The following WDR19 variants were observed in gnomAD, a reference collection of about 807,000 sequenced individuals.
WDR19 encodes the protein WD repeat domain 19.
In WDR19, 121 loss-of-function variants were observed where a neutral mutation model predicts 180.0. That is an observed-to-expected ratio of 0.67 (90% CI 0.58 to 0.78). WDR19 has a LOEUF of 0.78. Among genes scored for constraint, WDR19 ranks in the 30% least tolerant of loss-of-function variants. The pLI is 0.00. For missense variants in WDR19, 1,450 were observed against 1,640.7 expected (o/e 0.88, Z 2.01); for synonymous variants, 497 against 540.7 (o/e 0.92, Z 1.12).
intron 15 of WDR19, among the ~76,000 whole-genome samples, chr4:39,227,812 T>G (rs750342780): frequency 3.3e-5 from 5 of 152,224 alleles, no homozygotes; most frequent in Non-Finnish European, 7.3e-5. Context: ...GTGAGTTAAT[T>G]TGTTTCTTAA....
intron 14 of WDR19, among the ~76,000 whole-genome samples, chr4:39,222,766 C>T (rs1577918482): frequency 1.3e-5 from 2 of 152,084 alleles, no homozygotes; most frequent in South Asian, 4.1e-4. Flanking sequence ...TAAGAAACAA[C>T]GCAGAGAGAA....
intron 1 of WDR19, among the ~76,000 whole-genome samples, chr4:39,184,024 G>A (rs1460201628): frequency 6.6e-6 from 1 of 152,188 alleles, no homozygotes; most frequent in East Asian, 1.9e-4. Flanking sequence ...TTCTTCATGA[G>A]TTTCTTTATG....
At chr4:39,185,899 GTTGTT>G (rs2109741401) in intron 2 of WDR19, 82 bp downstream of exon 2, 1 of 797,282 alleles carries the variant, frequency 1.3e-6, no homozygotes, top group Non-Finnish European at 1.7e-6. Flanking sequence ...TTTTTTTGTT[GTTGTT>G]TTTTTTTTTT....
chr4:39,199,718 G>GTA, intron 6 of WDR19, 125 bp downstream of exon 6: 1 of 641,408 alleles, frequency 1.6e-6, no homozygotes, highest in Non-Finnish European at 2.5e-6. Flanking sequence ...GTGTGTGTGT[G>GTA]TATACACAAT....
chr4:39,202,734 T>A (rs1178322353), intron 6 of WDR19, among the ~76,000 whole-genome samples: 1 of 152,144 alleles, frequency 6.6e-6, no homozygotes, highest in Non-Finnish European at 1.5e-5. Flanking sequence ...TTTCTCATAT[T>A]TATGAGTTCT....
chr4:39,274,708 C>T, intron 32 of WDR19, 100 bp from the exon 33 acceptor site: 2 of 1,406,826 alleles, frequency 1.4e-6, no homozygotes, highest in South Asian at 1.3e-5. Flanking sequence ...AGTTCAGAGA[C>T]CATGACCCTG....
chr4:39,267,538 T>C (rs902854496), intron 29 of WDR19, among the ~76,000 whole-genome samples: 1 of 152,218 alleles, frequency 6.6e-6, no homozygotes, highest in African/African-American at 2.4e-5. Flanking sequence ...GAAAATGTTA[T>C]AGGTCAGAGA....
rs185457247 is a variant in WDR19, at chr4:39,197,415, G to A, written c.407-2063G>A. Among the ~76,000 whole-genome samples, 23 of 109,330 alleles carry A rather than the reference G, an allele frequency of 2.1e-4. No homozygotes were observed. In the East Asian group the frequency reaches 4.5e-3, roughly 21 times the overall value. 71.7% of individuals were successfully genotyped at this position (109,330 alleles called of 152,430 possible). ...CACTCCAGCCTGGGAAACAGAGCAA[G>A]ACTCTATCTCAAAAAAAAAAAAAAA... On this transcript the variant is annotated intron_variant, in intron 5 of 36. Coordinates refer to ENST00000399820, the MANE Select transcript of WDR19 (RefSeq NM_025132.4).
chr4:39,205,402 G>A, intron 8 of WDR19, 136 bp downstream of exon 8: 1 of 1,171,410 alleles, frequency 8.5e-7, no homozygotes, highest in Admixed American at 2.5e-5. Context: ...CATGGTCTGT[G>A]ATTTAGTATG....
chr4:39,227,400 C>T (rs1211462515), intron 15 of WDR19, among the ~76,000 whole-genome samples: 2 of 152,116 alleles, frequency 1.3e-5, no homozygotes, highest in Non-Finnish European at 2.9e-5. Flanking sequence ...AGTCAGCCCA[C>T]CCTATCTGTG....
At chr4:39,247,823 G>A (rs1224033629) in intron 24 of WDR19, among the ~76,000 whole-genome samples, 2 of 151,720 alleles carry the variant, frequency 1.3e-5, no homozygotes, top group South Asian at 2.1e-4. Flanking sequence ...AAAAAGAAAC[G>A]AACAAAGCCT....
In WDR19 at chr4:39,244,325, A is replaced by C; in HGVS notation, c.2499A>C (p.Gln833His). 5.0e-6 allele frequency: 8 copies of C among 1,614,016 alleles called. No individual in the cohort carries two copies. The highest frequency in any genetic ancestry group is 6.8e-6 in the Non-Finnish European group (8 of 1,179,882). ...RMGDIRRGVN[Q>H]ALKHPSRVLK... is the part of the protein sequence containing the mutation. ...GAGACATACGTCGAGGGGTTAACCA[A>C]GCCCTCAAGCATCCCAGCAGGGTCC... The change falls in exon 22 of 37, where the codon CAA (glutamine) becomes CAC (histidine). Residue 833 changes from glutamine to histidine, a missense_variant. Coordinates refer to ENST00000399820, the MANE Select transcript of WDR19 (RefSeq NM_025132.4).
chr4:39,218,098 G>A lies in WDR19; in HGVS notation c.1472G>A (p.Gly491Asp). The change falls in exon 14 of 37, where the codon GGT becomes GAT. Residue 491 changes from glycine (G) to aspartate (D), a missense_variant. Gly to Asp is a moderately conservative substitution (Grantham distance 94, BLOSUM62 -1). Transcript: ENST00000399820. Reference protein sequence around the residue: ...HALTSDFLIYGTDTGVVQYFY... With the variant: ...HALTSDFLIYDTDTGVVQYFY... Reference sequence around the variant, plus strand: ...TTAACTAGTGATTTCCTCATCTATGGTACAGATGTATGTATTGCCTTCTTT... The same window carrying A: ...TTAACTAGTGATTTCCTCATCTATGATACAGATGTATGTATTGCCTTCTTT... The A allele has an allele frequency of 1.2e-6, 2 of 1,612,860 alleles. No homozygotes were observed. The highest frequency in any genetic ancestry group is 1.7e-6 in the Non-Finnish European group (2 of 1,179,396).
At position 39,189,662 on chromosome 4, in the gene WDR19, T is replaced by G. The variant is rs1483597668; in HGVS notation, c.171T>G (p.Cys57Trp). The change falls in exon 4 of 37, where the codon TGT (cysteine) becomes TGG (tryptophan). Residue 57 changes from cysteine (C) to tryptophan (W), a missense_variant. By Grantham distance (215) the Cys-to-Trp change is radical. Transcript: ENST00000399820. ...TTGCTCTCTTTTTTAAAAGTAACTG[T>G]GTTGCCATGGATTGGGATAAAGATG... Reference protein sequence around the residue: ...KRSEINLPGNCVAMDWDKDGD... With the variant: ...KRSEINLPGNWVAMDWDKDGD... 6.3e-7 allele frequency: 1 copy of G among 1,593,924 alleles called. No homozygotes were observed. The highest frequency in any genetic ancestry group is 1.3e-5 in the African/African-American group (1 of 74,128).
intron 6 of WDR19, among the ~76,000 whole-genome samples, chr4:39,199,818 C>G (rs771867037): frequency 6.6e-6 from 1 of 152,074 alleles, no homozygotes; most frequent in Admixed American, 6.5e-5. Context: ...ATTTCCCTTC[C>G]GTATTAACAT....
At chr4:39,223,730 T>C (rs935158429) in intron 14 of WDR19, among the ~76,000 whole-genome samples, 2 of 152,198 alleles carry the variant, frequency 1.3e-5, no homozygotes, top group Non-Finnish European at 2.9e-5. Context: ...TATCTGTTCT[T>C]CCACCAATAC....
At position 39,203,702 on chromosome 4, in the gene WDR19, A is replaced by G; in HGVS notation, c.583A>G (p.Thr195Ala). ...QFFLMKMDDR[T>A]SAAESMISVV... ...TTTCTTGATGAAGATGGATGACCGA[A>G]CCTCTGCTGCTGAAAGCATGGTAAG... The change falls in exon 7 of 37, where the codon ACC (threonine) becomes GCC (alanine). Residue 195 changes from threonine (T) to alanine (A), a missense_variant. Thr to Ala is a moderately conservative substitution (Grantham distance 58, BLOSUM62 0). Coordinates refer to ENST00000399820, the MANE Select transcript of WDR19 (RefSeq NM_025132.4). 6.2e-7 allele frequency: 1 copy of G among 1,612,434 alleles called. No individual in the cohort carries two copies. The highest frequency in any genetic ancestry group is 8.5e-7 in the Non-Finnish European group (1 of 1,179,258).
At chr4:39,196,248 T>C (rs1388651325) in intron 5 of WDR19, among the ~76,000 whole-genome samples, 9 of 152,226 alleles carry the variant, frequency 5.9e-5, no homozygotes, top group Admixed American at 5.9e-4. Context: ...GGTCTCCTGA[T>C]ATGAAATACT....
chr4:39,217,941 C>T (rs1729241098), intron 13 of WDR19, 42 bp from the exon 14 acceptor site: 4 of 1,607,040 alleles, frequency 2.5e-6, no homozygotes, highest in African/African-American at 1.3e-5. Flanking sequence ...AGATGGTTTA[C>T]TCAAATAAAT....
Sources: allele counts gnomAD v4.1 joint callset (sites outside exome capture counted in the v4.1 genomes callset), GRCh38; gene constraint gnomAD v4.1.1; transcripts MANE v1.5; gene names NCBI Gene and HGNC (gene_info 2026-07-23, HGNC 2026-07-21).